The following CADM2 variants were observed in gnomAD, a reference collection of about 807,000 sequenced individuals.
CADM2 encodes cell adhesion molecule 2.
Under a neutral mutation model 49.8 loss-of-function variants are expected in CADM2, and 12 were observed. The ratio of observed to expected loss-of-function variants is 0.24; its 90% CI spans 0.15 to 0.39. The LOEUF (loss-of-function observed/expected upper bound fraction) is 0.39, where lower values mean the gene tolerates loss of function less well. CADM2 is among the 10% of genes least tolerant of loss of function. CADM2 has a pLI of 1.00. For synonymous variants in CADM2, 214 were observed against 175.4 expected (o/e 1.22, Z -1.74); for missense variants, 378 against 492.3 (o/e 0.77, Z 2.20).
intron 5 of CADM2, among the ~76,000 whole-genome samples, chr3:85,900,181 G>T (rs1715920726): frequency 6.6e-6 from 1 of 152,024 alleles, no homozygotes; most frequent in African/African-American, 2.4e-5. Flanking sequence ...AAAAATTATT[G>T]TTTTCAGGTG....
chr3:85,254,408 A>C (rs1295831651), intron 1 of CADM2, among the ~76,000 whole-genome samples: 1 of 151,870 alleles, frequency 6.6e-6, no homozygotes, highest in African/African-American at 2.4e-5. Flanking sequence ...GTCATTGGTG[A>C]TCAACTCAAC....
chr3:86,030,689 T>A (rs1156756428), intron 8 of CADM2, among the ~76,000 whole-genome samples: 1 of 151,864 alleles, frequency 6.6e-6, no homozygotes, highest in Non-Finnish European at 1.5e-5. Flanking sequence ...TTATATAAGG[T>A]CAACGCTATA....
At chr3:85,540,433 T>C (rs752816199) in intron 1 of CADM2, among the ~76,000 whole-genome samples, 1 of 152,152 alleles carries the variant, frequency 6.6e-6, no homozygotes, top group Non-Finnish European at 1.5e-5. Context: ...CTTGGCATTT[T>C]AGATTTGAGA....
chr3:84,991,245 TGGAAAATTCATTGGAATTTTCCCGAG>T (rs200256934), intron 1 of CADM2, among the ~76,000 whole-genome samples: 2,276 of 152,252 alleles, frequency 0.015, 37 homozygotes, highest in East Asian at 0.079. Context: ...TGAATTGTAC[TGGAAAATTCATTGGAATTTTCCCGAG>T]GGAAAATTCT....
At chr3:85,707,422 A>G (rs2066985589) in intron 1 of CADM2, among the ~76,000 whole-genome samples, 1 of 136,668 alleles carries the variant, frequency 7.3e-6, no homozygotes. Flanking sequence ...TAAAATAGTC[A>G]TTGGGAAATA....
intron 1 of CADM2, among the ~76,000 whole-genome samples, chr3:85,680,627 T>C (rs2066013309): frequency 6.6e-6 from 1 of 152,164 alleles, no homozygotes; most frequent in South Asian, 2.1e-4. Flanking sequence ...AATTTAAAAA[T>C]ATATACATAC....
chr3:85,444,204 T>C (rs538910721), intron 1 of CADM2, among the ~76,000 whole-genome samples: 1 of 152,256 alleles, frequency 6.6e-6, no homozygotes, highest in African/African-American at 2.4e-5. Context: ...AAGCTGCGTT[T>C]TTGGCTTCTA....
intron 1 of CADM2, among the ~76,000 whole-genome samples, chr3:85,374,257 T>A (rs916735803): frequency 6.6e-6 from 1 of 152,180 alleles, no homozygotes. Flanking sequence ...TTCTGCCAGA[T>A]ACCCTAAATC....
chr3:85,255,889 T>A (rs2107873959), intron 1 of CADM2, among the ~76,000 whole-genome samples: 1 of 152,244 alleles, frequency 6.6e-6, no homozygotes, highest in East Asian at 1.9e-4. Flanking sequence ...TATTAGTATA[T>A]CTACATTTCC....
intron 1 of CADM2, among the ~76,000 whole-genome samples, chr3:85,649,485 T>C (rs1453976532): frequency 6.6e-6 from 1 of 152,178 alleles, no homozygotes; most frequent in Non-Finnish European, 1.5e-5. Flanking sequence ...AGAAAACATA[T>C]TCTAAAAACA....
intron 8 of CADM2, among the ~76,000 whole-genome samples, chr3:86,038,620 A>G (rs1735463250): frequency 6.6e-6 from 1 of 152,188 alleles, no homozygotes; most frequent in Non-Finnish European, 1.5e-5. Flanking sequence ...TCAATAATAA[A>G]TTACTTATAA....
At chr3:85,263,685 AT>A (rs200415855) in intron 1 of CADM2, among the ~76,000 whole-genome samples, 1,962 of 151,922 alleles carry the variant, frequency 0.013, 43 homozygotes, top group African/African-American at 0.044. Context: ...ATCTATTCCA[AT>A]TTTTTTTCTA....
At chr3:84,984,215 G>A (rs947309010) in intron 1 of CADM2, among the ~76,000 whole-genome samples, 2 of 151,740 alleles carry the variant, frequency 1.3e-5, no homozygotes, top group Admixed American at 1.3e-4. Context: ...TTCACCATAA[G>A]ATGTGTAGGC....
intron 1 of CADM2, among the ~76,000 whole-genome samples, chr3:85,418,450 G>C (rs895837133): frequency 6.6e-6 from 1 of 151,854 alleles, no homozygotes; most frequent in Non-Finnish European, 1.5e-5. Context: ...AAAAAATAAA[G>C]CCTGTTAATT....
At chr3:85,749,756 G>A (rs181265803) in intron 2 of CADM2, among the ~76,000 whole-genome samples, 77 of 152,082 alleles carry the variant, frequency 5.1e-4, no homozygotes, top group African/African-American at 1.7e-3. Flanking sequence ...TGGGATTAAA[G>A]TAAATGTGTT....
At chr3:85,076,011 A>G (rs1020356821) in intron 1 of CADM2, among the ~76,000 whole-genome samples, 2 of 152,124 alleles carry the variant, frequency 1.3e-5, no homozygotes, top group Non-Finnish European at 2.9e-5. Flanking sequence ...TTAGTGTTCA[A>G]ATAAAAACAA....
At chr3:85,652,793 T>TTGTTTTTTTTTTG (rs2065088360) in intron 1 of CADM2, among the ~76,000 whole-genome samples, 1 of 140,408 alleles carries the variant, frequency 7.1e-6, no homozygotes, top group Non-Finnish European at 1.5e-5. Flanking sequence ...TTTTTTTTTT[T>TTGTTTTTTTTTTG]TTTAGACAGA....
intron 1 of CADM2, among the ~76,000 whole-genome samples, chr3:85,319,298 A>G (rs1328154460): frequency 1.3e-5 from 2 of 152,314 alleles, no homozygotes; most frequent in East Asian, 3.9e-4. Flanking sequence ...AAAGTAACAG[A>G]TGCTAGCAAG....
intron 1 of CADM2, among the ~76,000 whole-genome samples, chr3:85,276,691 T>C (rs1459190828): frequency 6.6e-6 from 1 of 151,162 alleles, no homozygotes; most frequent in Admixed American, 6.6e-5. Context: ...TTTAAGGTGG[T>C]TTATGAAAAA....
Sources: allele counts gnomAD v4.1 joint callset (sites outside exome capture counted in the v4.1 genomes callset), GRCh38; gene constraint gnomAD v4.1.1; transcripts MANE v1.5; gene names NCBI Gene and HGNC (gene_info 2026-07-23, HGNC 2026-07-21).